Variants in RBFOX1 observed in about 807,000 individuals in gnomAD.
RBFOX1 encodes RNA binding protein fox-1 homolog 1.
In RBFOX1, 8 loss-of-function variants were observed where a neutral mutation model predicts 57.7. The ratio of observed to expected loss-of-function variants is 0.14; its 90% CI spans 0.08 to 0.25. The LOEUF (loss-of-function observed/expected upper bound fraction) is 0.25, where lower values mean the gene tolerates loss of function less well. Ranked by LOEUF, RBFOX1 falls within the 10% of genes least tolerant of loss-of-function variation. The probability of loss-of-function intolerance (pLI) is 1.00; values close to 1 mark genes in which losing one functional copy is unlikely to be tolerated. For synonymous variants in RBFOX1, 326 were observed against 222.4 expected (o/e 1.47, Z -4.15); for missense variants, 611 against 548.5 (o/e 1.11, Z -1.14).
chr16:6,976,118 C>G (rs1307813112), intron 3 of RBFOX1, among the ~76,000 whole-genome samples: 1 of 146,928 alleles, frequency 6.8e-6, no homozygotes, highest in Non-Finnish European at 1.5e-5. Context: ...CAGAGTGAGA[C>G]TCCGTCTCAA....
intron 1 of RBFOX1, among the ~76,000 whole-genome samples, chr16:6,081,285 C>T (rs750279217): frequency 1.3e-5 from 2 of 152,188 alleles, no homozygotes; most frequent in Admixed American, 1.3e-4. Context: ...GATCATCTCT[C>T]ATTGGACAAG....
chr16:6,408,086 T>C (rs1214620721), intron 2 of RBFOX1, among the ~76,000 whole-genome samples: 1 of 152,102 alleles, frequency 6.6e-6, no homozygotes, highest in African/African-American at 2.4e-5. Flanking sequence ...CTATAAGAAA[T>C]GGGCCTTCAC....
At chr16:7,417,723 C>G (rs950735463) in intron 4 of RBFOX1, among the ~76,000 whole-genome samples, 42 of 152,172 alleles carry the variant, frequency 2.8e-4, no homozygotes, top group Non-Finnish European at 2.8e-4. Context: ...TGTTCTCCAT[C>G]TTTATAATTT....
intron 3 of RBFOX1, among the ~76,000 whole-genome samples, chr16:7,021,344 T>C (rs2038994870): frequency 6.8e-6 from 1 of 147,844 alleles, no homozygotes; most frequent in South Asian, 2.1e-4. Context: ...AAAAACATTT[T>C]TGAATATTTT....
intron 2 of RBFOX1, among the ~76,000 whole-genome samples, chr16:6,613,386 C>G (rs1267148452): frequency 1.3e-5 from 2 of 152,020 alleles, no homozygotes; most frequent in Non-Finnish European, 2.9e-5. Flanking sequence ...ATGAGAATGC[C>G]TAGGACAAAG....
chr16:6,077,791 A>C (rs909191171), intron 1 of RBFOX1, among the ~76,000 whole-genome samples: 3 of 151,822 alleles, frequency 2.0e-5, no homozygotes, highest in African/African-American at 7.3e-5. Flanking sequence ...GTCATAGCTC[A>C]CTGCAGCCTC....
intron 2 of RBFOX1, among the ~76,000 whole-genome samples, chr16:6,613,016 T>A (rs944855275): frequency 7.3e-6 from 1 of 137,218 alleles, no homozygotes; most frequent in South Asian, 3.3e-4. Context: ...TGTGTGTGTG[T>A]GTGTGTGTGT....
chr16:7,486,159 G>A lies in RBFOX1; in HGVS notation c.28-31988G>A, dbSNP rs1324608642. Among the ~76,000 whole-genome samples the A allele has an allele frequency of 5.5e-5, 5 of 90,214 alleles. No individual in the cohort carries two copies. In the East Asian group the frequency reaches 1.8e-3, roughly 33 times the overall value. The allele number at this position is 90,214 out of a possible 152,430, so 59.2% of individuals were successfully genotyped here. A position where few individuals can be genotyped will look rare whatever the true frequency, so the allele number is the denominator to read the frequency against. ...TTTTTTTGAGATGGAGTCTTGCTTT[G>A]TTGGCCAGGCTGGAGTGCAGTGGCG... On this transcript the variant is annotated intron_variant, in intron 4 of 15. Transcript: ENST00000550418.
intron 4 of RBFOX1, among the ~76,000 whole-genome samples, chr16:5,992,134 C>T (rs1267429404): frequency 6.6e-5 from 10 of 151,716 alleles, no homozygotes; most frequent in African/African-American, 1.7e-4. Flanking sequence ...ACTACATTTA[C>T]CTTGACATAA....
At chr16:6,067,889 AT>A (rs1221910377) in intron 1 of RBFOX1, among the ~76,000 whole-genome samples, 1 of 152,228 alleles carries the variant, frequency 6.6e-6, no homozygotes, top group African/African-American at 2.4e-5. Context: ...TGCATTTGTT[AT>A]TGTAGCAATT....
At chr16:7,672,694 C>T (rs752057424) in intron 13 of RBFOX1, among the ~76,000 whole-genome samples, 1 of 151,584 alleles carries the variant, frequency 6.6e-6, no homozygotes, top group Non-Finnish European at 1.5e-5. Flanking sequence ...TGTATCAAAA[C>T]CGCATCTCTA....
intron 1 of RBFOX1, among the ~76,000 whole-genome samples, chr16:5,312,694 C>T (rs1051193143): frequency 6.6e-6 from 1 of 152,166 alleles, no homozygotes; most frequent in Non-Finnish European, 1.5e-5. Flanking sequence ...ACAGACAATT[C>T]TCAAAAGAAG....
intron 4 of RBFOX1, among the ~76,000 whole-genome samples, chr16:5,906,133 A>G (rs1009944623): frequency 6.6e-6 from 1 of 152,146 alleles, no homozygotes; most frequent in Non-Finnish European, 1.5e-5. Flanking sequence ...TGACACAAGC[A>G]TTAGGGATTG....
chr16:6,604,695 C>G (rs564064447), intron 2 of RBFOX1, among the ~76,000 whole-genome samples: 1 of 152,150 alleles, frequency 6.6e-6, no homozygotes, highest in African/African-American at 2.4e-5. Flanking sequence ...TAAGCATATA[C>G]ACATGCACAC....
chr16:5,966,999 G>GC (rs1034672025), intron 4 of RBFOX1, among the ~76,000 whole-genome samples: 2 of 134,830 alleles, frequency 1.5e-5, no homozygotes. Context: ...ATCGGGGGGG[G>GC]GGGGGTCAAT....
chr16:7,608,425 T>A (rs922503805), intron 10 of RBFOX1, among the ~76,000 whole-genome samples: 3 of 152,222 alleles, frequency 2.0e-5, no homozygotes, highest in Non-Finnish European at 4.4e-5. Context: ...TAGGCGATGT[T>A]TGGAGTTGTT....
intron 4 of RBFOX1, among the ~76,000 whole-genome samples, chr16:5,984,946 T>TTTTATA (rs1450037668): frequency 5.7e-5 from 4 of 69,660 alleles, no homozygotes; most frequent in South Asian, 6.3e-4. Flanking sequence ...GGCAACTCCA[T>TTTTATA]TATATATATA....
chr16:5,862,672 C>A (rs2057251562), intron 3 of RBFOX1, among the ~76,000 whole-genome samples: 1 of 152,156 alleles, frequency 6.6e-6, no homozygotes. Flanking sequence ...CTCTTTGATC[C>A]TTATCTGGAT....
chr16:5,417,535 CA>C (rs778267929), intron 1 of RBFOX1, among the ~76,000 whole-genome samples: 111 of 152,204 alleles, frequency 7.3e-4, no homozygotes, highest in South Asian at 4.1e-3. Flanking sequence ...CAAAGATGAT[CA>C]ATCGTGGATT....
Sources: allele counts gnomAD v4.1 joint callset (sites outside exome capture counted in the v4.1 genomes callset), GRCh38; gene constraint gnomAD v4.1.1; transcripts MANE v1.5; gene names NCBI Gene and HGNC (gene_info 2026-07-23, HGNC 2026-07-21).